Variants in SMU1 observed in about 807,000 individuals in gnomAD.
SMU1 encodes the protein WD40 repeat-containing protein SMU1.
In SMU1, 2 loss-of-function variants were observed where a neutral mutation model predicts 62.0. The observed-to-expected ratio is 0.03, with a 90% confidence interval of 0.01 to 0.10. SMU1 has a LOEUF of 0.10. SMU1 is among the 10% of genes least tolerant of loss of function. The pLI, the probability that SMU1 is intolerant of heterozygous loss-of-function variation, is 1.00. For synonymous variants in SMU1, 188 were observed against 212.4 expected, an observed-to-expected ratio of 0.89 and a Z score of 1.00; for missense variants, 227 against 622.1, an observed-to-expected ratio of 0.36 and a Z score of 6.76.
Position 33,046,121 on chromosome 9 carries a change from T to C in SMU1, c.*1172A>G, listed in dbSNP as rs1470984624. On this transcript the variant is annotated 3_prime_UTR_variant, in exon 12 of 12. Coordinates refer to ENST00000397149, the MANE Select transcript of SMU1 (RefSeq NM_018225.3). Reference sequence around the variant, plus strand: ...TTGTTGGCTTTTACATGTTTTTCTTTAGATAACTGGTAATGATGCACATTA... The same window carrying C: ...TTGTTGGCTTTTACATGTTTTTCTTCAGATAACTGGTAATGATGCACATTA... The C allele has an allele frequency of 6.6e-6, 1 of 152,246 alleles. No individual in the cohort carries two copies. Among genetic ancestry groups the C allele is most frequent in the South Asian group, 2.1e-4 (1 of 4,836 alleles). 9.4% of individuals were successfully genotyped at this position (152,246 alleles called of 1,614,324 possible). A position where few individuals can be genotyped will look rare whatever the true frequency, so the allele number is the denominator to read the frequency against.
intron 4 of SMU1, among the ~76,000 whole-genome samples, chr9:33,067,167 AT>A (rs1839430229): frequency 6.6e-6 from 1 of 152,148 alleles, no homozygotes; most frequent in South Asian, 2.1e-4. Context: ...CTATGTAAAC[AT>A]TGAATATAGA....
At chr9:33,071,709 A>G (rs1436025122) in intron 3 of SMU1, 31 bp downstream of exon 3, 1 of 1,582,258 alleles carries the variant, frequency 6.3e-7, no homozygotes, top group South Asian at 1.2e-5. Context: ...CAAAGTTAAC[A>G]AAAAGTTCCT....
At chr9:33,064,893 C>T (rs1263473103) in intron 4 of SMU1, among the ~76,000 whole-genome samples, 1 of 152,146 alleles carries the variant, frequency 6.6e-6, no homozygotes, top group East Asian at 1.9e-4. Flanking sequence ...CAGGCGCACG[C>T]CATGATGGCC....
At chr9:33,053,399 G>T in intron 9 of SMU1, 109 bp from the exon 10 acceptor site, 1 of 1,156,220 alleles carries the variant, frequency 8.6e-7, no homozygotes. Flanking sequence ...AATGATTCAG[G>T]GGAAAAAAGT....
Position 33,046,072 on chromosome 9 carries a change from A to C in SMU1, c.*1221T>G, listed in dbSNP as rs1224118824. 6.6e-6 allele frequency: 1 copy of C among 152,220 alleles called. No homozygotes were observed. The highest frequency in any genetic ancestry group is 1.5e-5 in the Non-Finnish European group (1 of 68,036). 9.4% of individuals were successfully genotyped at this position (152,220 alleles called of 1,614,324 possible). On this transcript the variant is annotated 3_prime_UTR_variant, in exon 12 of 12. Coordinates refer to ENST00000397149, the MANE Select transcript of SMU1 (RefSeq NM_018225.3). ...CAGTTGAAACGTGAAACAGACATCC[A>C]TATGCAAAATATTTTCAAGGGTTTT...
intron 2 of SMU1, among the ~76,000 whole-genome samples, chr9:33,072,780 G>A (rs1839501313): frequency 7.0e-6 from 1 of 142,666 alleles, no homozygotes; most frequent in South Asian, 2.2e-4. Flanking sequence ...AGTGAGCAGA[G>A]ATCGCACCAC....
chr9:33,051,224 C>T (rs1839245643), intron 10 of SMU1, among the ~76,000 whole-genome samples: 3 of 151,984 alleles, frequency 2.0e-5, no homozygotes, highest in Admixed American at 6.6e-5. Flanking sequence ...GAAAAAGTTA[C>T]GTACTTTATG....
intron 9 of SMU1, among the ~76,000 whole-genome samples, 165 bp downstream of exon 9, chr9:33,055,948 A>G (rs1274409836): frequency 6.6e-6 from 1 of 152,226 alleles, no homozygotes; most frequent in Non-Finnish European, 1.5e-5. Flanking sequence ...AATGGGAATT[A>G]CCCACAGAAT....
intron 1 of SMU1, among the ~76,000 whole-genome samples, chr9:33,074,356 T>C (rs920762979): frequency 3.3e-5 from 5 of 151,912 alleles, no homozygotes; most frequent in African/African-American, 1.2e-4. Flanking sequence ...CCCAGCTACT[T>C]GGGATGTTGA....
In SMU1 at chr9:33,076,657, G is replaced by T; in HGVS notation, c.-49C>A. The T allele has an allele frequency of 6.2e-7, 1 of 1,613,098 alleles. No homozygotes were observed. The stretch of plus-strand genomic sequence containing the variant: ...CCCCAGCTCTCCCTCAAGGCCAGTC[G>T]CGCAACACACCAACGACACCTCCGG... On this transcript the variant is annotated 5_prime_UTR_variant, in exon 1 of 12. Transcript: ENST00000397149.
rs780922816 is a variant in SMU1 at position 33,046,173 on chromosome 9, T to G, written c.*1120A>C. 4.6e-5 allele frequency: 7 copies of G among 152,230 alleles called. No homozygotes were observed. The highest frequency in any genetic ancestry group is 8.8e-5 in the Non-Finnish European group (6 of 68,042). 9.4% of individuals were successfully genotyped at this position (152,230 alleles called of 1,614,324 possible). On this transcript the variant is annotated 3_prime_UTR_variant, in exon 12 of 12. Transcript: ENST00000397149. ...AAAGGAGACTTTTCTAAATCTCAAG[T>G]CCTTTGCTAATTTTTCTTTGGAACA... is the stretch of plus-strand genomic sequence containing the variant.
At chr9:33,068,509 A>T (rs1839451183) in intron 4 of SMU1, among the ~76,000 whole-genome samples, 1 of 151,814 alleles carries the variant, frequency 6.6e-6, no homozygotes, top group South Asian at 2.1e-4. Flanking sequence ...TCACTTTTTA[A>T]ATTTATTTTT....
At chr9:33,052,201 A>G (rs531737711) in intron 10 of SMU1, among the ~76,000 whole-genome samples, 131 of 151,870 alleles carry the variant, frequency 8.6e-4, no homozygotes, top group Non-Finnish European at 1.0e-3. Flanking sequence ...AACTGTACCA[A>G]TGTCAATTTC....
In SMU1 at chr9:33,043,243, G is replaced by A. The variant is rs950701237; in HGVS notation, c.*4050C>T. On this transcript the variant is annotated 3_prime_UTR_variant, in exon 12 of 12. Transcript: ENST00000397149. ...GAAAATGAAGCTGTAAAAGCACAGT[G>A]AATGAGAACACTAGCAAGCTATGGC... The A allele has an allele frequency of 2.0e-5, 3 of 152,198 alleles. No homozygotes were observed. The highest frequency in any genetic ancestry group is 2.0e-4 in the Admixed American group (3 of 15,284). The allele number at this position is 152,198 out of a possible 1,614,324, so 9.4% of individuals were successfully genotyped here. A position where few individuals can be genotyped will look rare whatever the true frequency, so the allele number is the denominator to read the frequency against.
chr9:33,070,030 C>T (rs563234080), intron 3 of SMU1, among the ~76,000 whole-genome samples: 4 of 152,144 alleles, frequency 2.6e-5, no homozygotes, highest in African/African-American at 9.6e-5. Context: ...GTGGCTGAGG[C>T]ACGAGAATTA....
At chr9:33,074,096 T>C (rs754255863) in intron 1 of SMU1, among the ~76,000 whole-genome samples, 2 of 152,226 alleles carry the variant, frequency 1.3e-5, no homozygotes, top group Non-Finnish European at 2.9e-5. Context: ...AGTTTCCTAT[T>C]CATTCTTGTA....
intron 10 of SMU1, among the ~76,000 whole-genome samples, chr9:33,052,695 A>T (rs1839263477): frequency 6.6e-6 from 1 of 152,196 alleles, no homozygotes; most frequent in South Asian, 2.1e-4. Flanking sequence ...AGGTTTTCTG[A>T]TTAAAAATAC....
At position 33,045,635 on chromosome 9, in the gene SMU1, A is replaced by C. The variant is rs796407089; in HGVS notation, c.*1658T>G. Reference sequence around the variant, plus strand: ...CAGGGCAGGCGGATCACCTGAGGTCAGGAGTTCAAGACCAGCCTGGCCAAC... The same window carrying C: ...CAGGGCAGGCGGATCACCTGAGGTCCGGAGTTCAAGACCAGCCTGGCCAAC... On this transcript the variant is annotated 3_prime_UTR_variant, in exon 12 of 12. Transcript: ENST00000397149. 6.6e-6 allele frequency: 1 copy of C among 152,382 alleles called. No homozygotes were observed. The highest frequency in any genetic ancestry group is 2.4e-5 in the African/African-American group (1 of 41,476). 9.4% of individuals were successfully genotyped at this position (152,382 alleles called of 1,614,324 possible). A position where few individuals can be genotyped will look rare whatever the true frequency, so the allele number is the denominator to read the frequency against.
Position 33,076,660 on chromosome 9 carries a change from C to T in SMU1, c.-52G>A. 6.2e-7 allele frequency: 1 copy of T among 1,612,980 alleles called. No individual in the cohort carries two copies. On this transcript the variant is annotated 5_prime_UTR_variant, in exon 1 of 12. Transcript: ENST00000397149. ...CAGCTCTCCCTCAAGGCCAGTCGCG[C>T]AACACACCAACGACACCTCCGGCGG... is the stretch of plus-strand genomic sequence containing the variant.
Sources: allele counts gnomAD v4.1 joint callset (sites outside exome capture counted in the v4.1 genomes callset), GRCh38; gene constraint gnomAD v4.1.1; transcripts MANE v1.5; gene names NCBI Gene and HGNC (gene_info 2026-07-23, HGNC 2026-07-21).